TMEM132C: variants seen among roughly 807,000 people sequenced by gnomAD.
TMEM132C encodes transmembrane protein 132C.
A neutral mutation model predicts 61.4 loss-of-function variants in TMEM132C; 29 were observed. The observed-to-expected ratio is 0.47, with a 90% CI of 0.35 to 0.64. The LOEUF (loss-of-function observed/expected upper bound fraction) is 0.64. Ranked by LOEUF, TMEM132C falls within the 30% of genes least tolerant of loss-of-function variation. The probability of loss-of-function intolerance (pLI) is 0.00; values close to 1 mark genes in which losing one functional copy is unlikely to be tolerated. For missense variants in TMEM132C, 1,408 were observed against 1,476.9 expected (o/e 0.95, Z 0.76); for synonymous variants, 656 against 633.1 (o/e 1.04, Z -0.54).
intron 3 of TMEM132C, among the ~76,000 whole-genome samples, chr12:128,590,115 T>C (rs1010381223): frequency 2.6e-5 from 4 of 152,216 alleles, no homozygotes; most frequent in Non-Finnish European, 4.4e-5. Context: ...TGGGCTCTCC[T>C]GGGCTGGGCT....
chr12:128,667,868 G>A (rs1034340339), intron 4 of TMEM132C, among the ~76,000 whole-genome samples: 4 of 152,228 alleles, frequency 2.6e-5, no homozygotes, highest in African/African-American at 7.2e-5. Flanking sequence ...TAATAGTTTT[G>A]CGTGAAGTCG....
chr12:128,612,281 G>T (rs193028777), intron 3 of TMEM132C, among the ~76,000 whole-genome samples: 1 of 152,176 alleles, frequency 6.6e-6, no homozygotes, highest in African/African-American at 2.4e-5. Context: ...GACGGATGTC[G>T]GTGTTCTAGC....
intron 1 of TMEM132C, among the ~76,000 whole-genome samples, chr12:128,395,756 G>A (rs750349520): frequency 8.5e-5 from 13 of 152,272 alleles, no homozygotes; most frequent in African/African-American, 2.4e-4. Flanking sequence ...CTTTCACACC[G>A]TCATAAAGTA....
intron 4 of TMEM132C, among the ~76,000 whole-genome samples, chr12:128,653,775 C>T (rs1037151659): frequency 3.9e-5 from 6 of 152,082 alleles, no homozygotes; most frequent in Non-Finnish European, 5.9e-5. Context: ...TGGTGAGGTG[C>T]GAGGTGGCCC....
In TMEM132C at chr12:128,570,867, G is replaced by A. The variant is rs139868979; in HGVS notation, c.1121+26764G>A. On this transcript the variant is annotated intron_variant, in intron 3 of 8. Transcript: ENST00000435159. The surrounding 1 kb of genome is among the most constrained non-coding windows in gnomAD (Gnocchi z 4.7). ...CAGTAGACATCTGCTTATATCTCAT[G>A]GCTGAATGGGACCCGTAGAGCCACT... is the stretch of plus-strand genomic sequence containing the variant. Among the ~76,000 whole-genome samples the A allele has an allele frequency of 2.0e-4, 30 of 152,326 alleles. No homozygotes were observed. Among genetic ancestry groups the A allele is most frequent in the African/African-American group, 7.2e-4 (30 of 41,580 alleles).
At chr12:128,448,093 G>A (rs569753216) in intron 2 of TMEM132C, among the ~76,000 whole-genome samples, 14 of 152,262 alleles carry the variant, frequency 9.2e-5, no homozygotes, top group Non-Finnish European at 1.2e-4. Context: ...AATGTTAGAT[G>A]TGGTAAAAGT....
intron 4 of TMEM132C, among the ~76,000 whole-genome samples, chr12:128,657,856 T>C (rs1954342368): frequency 6.6e-6 from 1 of 152,156 alleles, no homozygotes; most frequent in African/African-American, 2.4e-5. Context: ...TGGGATGAAG[T>C]TGGATGGGGT....
At chr12:128,366,710 A>C (rs1274012125) in intron 1 of TMEM132C, among the ~76,000 whole-genome samples, 2 of 152,146 alleles carry the variant, frequency 1.3e-5, no homozygotes, top group African/African-American at 4.8e-5. Flanking sequence ...CAGAAGCCTC[A>C]TCTATGAAAT....
In TMEM132C at chr12:128,415,400, A is replaced by G; in HGVS notation, c.754A>G (p.Ile252Val). The G allele has an allele frequency of 1.3e-6, 2 of 1,550,622 alleles. No homozygotes were observed. The highest frequency in any genetic ancestry group is 2.4e-5 in the East Asian group (1 of 40,888). Reference sequence around the variant, plus strand: ...GGGTGACTTCAGGAAGGGCAACGCCATCCGTCCAGGAAAGGATGGGCTGGA... The same window carrying G: ...GGGTGACTTCAGGAAGGGCAACGCCGTCCGTCCAGGAAAGGATGGGCTGGA... ...AGGDFRKGNA[I>V]RPGKDGLEET... Residue 252 changes from isoleucine (I) to valine (V), a missense_variant, in exon 2 of 9, where the codon ATC becomes GTC. Transcript: ENST00000435159. This position sits in a 1 kb window ranked among gnomAD's most constrained non-coding sequence, Gnocchi z 5.8.
intron 1 of TMEM132C, among the ~76,000 whole-genome samples, chr12:128,368,789 C>T (rs1480532759): frequency 6.6e-6 from 1 of 152,158 alleles, no homozygotes; most frequent in Admixed American, 6.5e-5. Flanking sequence ...CACTGCCAGC[C>T]CATTCCACAA....
intron 2 of TMEM132C, among the ~76,000 whole-genome samples, chr12:128,502,794 A>C (rs1415937515): frequency 6.6e-6 from 1 of 152,192 alleles, no homozygotes. Context: ...GCCCCAATGG[A>C]ATGTGCCTAC....
rs1387116593 is a variant in TMEM132C, at chr12:128,706,680, G to T, written c.*385G>T. 1 of 161,994 alleles carries T rather than the reference G, an allele frequency of 6.2e-6. No individual in the cohort carries two copies. The highest frequency in any genetic ancestry group is 1.8e-4 in the East Asian group (1 of 5,564). The allele number at this position is 161,994 out of a possible 1,614,324, so 10.0% of individuals were successfully genotyped here. Reference sequence around the variant, plus strand: ...ATCATCTGTTTATATTTCTAATAAAGGAGCAAAATATAAAAATAGGACCTG... The same window carrying T: ...ATCATCTGTTTATATTTCTAATAAATGAGCAAAATATAAAAATAGGACCTG... On this transcript the variant is annotated 3_prime_UTR_variant, in exon 9 of 9. Transcript: ENST00000435159.
intron 5 of TMEM132C, among the ~76,000 whole-genome samples, chr12:128,675,533 A>G (rs1954574646): frequency 6.6e-6 from 1 of 152,202 alleles, no homozygotes; most frequent in African/African-American, 2.4e-5. Context: ...GGTTGCAGTG[A>G]CTGGACAAAG....
At chr12:128,492,938 G>A (rs1373433551) in intron 2 of TMEM132C, among the ~76,000 whole-genome samples, 4 of 152,144 alleles carry the variant, frequency 2.6e-5, no homozygotes, top group Non-Finnish European at 2.9e-5. Flanking sequence ...CCTATGTCCT[G>A]AATGGTATTG....
chr12:128,502,789 A>G (rs1043033602), intron 2 of TMEM132C, among the ~76,000 whole-genome samples: 12 of 152,192 alleles, frequency 7.9e-5, no homozygotes, highest in Admixed American at 3.3e-4. Flanking sequence ...TAATGGCCCC[A>G]ATGGAATGTG....
intron 1 of TMEM132C, among the ~76,000 whole-genome samples, chr12:128,365,642 T>C (rs1873842602): frequency 6.6e-6 from 1 of 152,226 alleles, no homozygotes; most frequent in African/African-American, 2.4e-5. Flanking sequence ...GCCGTGGTTG[T>C]TGGAGTACCG....
intron 1 of TMEM132C, among the ~76,000 whole-genome samples, chr12:128,352,648 G>A (rs1873376135): frequency 6.6e-6 from 1 of 152,218 alleles, no homozygotes; most frequent in African/African-American, 2.4e-5. Flanking sequence ...AAGGGAGGGA[G>A]ATGATGGACG....
intron 2 of TMEM132C, among the ~76,000 whole-genome samples, chr12:128,425,764 C>T (rs1389856973): frequency 2.0e-5 from 3 of 152,304 alleles, no homozygotes; most frequent in African/African-American, 7.2e-5. Flanking sequence ...CCCCTGTCTT[C>T]GTGTGAATTT....
chr12:128,390,522 G>A (rs1683697), intron 1 of TMEM132C, among the ~76,000 whole-genome samples: 85,926 of 151,886 alleles, frequency 0.57, 24,894 homozygotes, highest in East Asian at 0.72. Context: ...GGAGCACCCA[G>A]TCACTCTGGA....
Sources: gnomAD v4.1 joint callset for allele counts (sites outside exome capture counted in the v4.1 genomes callset) on GRCh38, gnomAD v4.1.1 for gene constraint, Gnocchi (gnomAD v3.1) non-coding constraint, MANE v1.5 for transcripts, NCBI Gene and HGNC (gene_info 2026-07-23, HGNC 2026-07-21) for gene names.